Variants in HDAC9 observed in about 807,000 individuals in gnomAD.
HDAC9 encodes the protein MEF-2 interacting transcription repressor (MITR) protein.
Under a neutral mutation model 139.4 loss-of-function variants are expected in HDAC9, and 41 were observed. The ratio of observed to expected loss-of-function variants is 0.29; its 90% CI spans 0.23 to 0.38. The LOEUF is 0.38. Ranked by LOEUF, HDAC9 falls within the 10% of genes least tolerant of loss-of-function variation. The pLI is 1.00. For missense variants in HDAC9, 1,147 were observed against 1,297.0 expected, an observed-to-expected ratio of 0.88 and a Z score of 1.78; for synonymous variants, 517 against 476.2, an observed-to-expected ratio of 1.09 and a Z score of -1.12.
At chr7:18,332,270 C>T (rs1293064923) in intron 1 of HDAC9, among the ~76,000 whole-genome samples, 1 of 151,404 alleles carries the variant, frequency 6.6e-6, no homozygotes, top group East Asian at 1.9e-4. Flanking sequence ...TCTGTTTAGC[C>T]AGAGTTCCCC....
intron 22 of HDAC9, chr7:18,907,062 C>T (rs1246370436): frequency 6.6e-6 from 1 of 152,176 alleles, no homozygotes; most frequent in Non-Finnish European, 1.5e-5. Context: ...AAACCAGCTG[C>T]AAGTGCATCC....
rs141268785 is a variant in HDAC9 at position 18,392,174 on chromosome 7, A to G, written c.-42+101659A>G. Among the ~76,000 whole-genome samples, 403 of 152,080 alleles carry G rather than the reference A, an allele frequency of 2.6e-3. No individual in the cohort carries two copies. In the Middle Eastern group the frequency reaches 0.027, roughly 10 times the overall value. On this transcript the variant is annotated intron_variant, in intron 1 of 3. Transcript: ENST00000413509. ...GTTACTCAGCCTATCTTGACCTTAG[A>G]TTCCCTGGCAATCTGGGATTATTAT...
chr7:18,101,463 GA>G (rs1782854415), intron 1 of HDAC9, among the ~76,000 whole-genome samples: 1 of 152,164 alleles, frequency 6.6e-6, no homozygotes, highest in African/African-American at 2.4e-5. Flanking sequence ...TAGGCAGGGG[GA>G]TAATTCCAAT....
chr7:18,606,442 C>G (rs1289867326), intron 6 of HDAC9, among the ~76,000 whole-genome samples: 1 of 152,160 alleles, frequency 6.6e-6, no homozygotes, highest in Non-Finnish European at 1.5e-5. Flanking sequence ...TAAAGATTAA[C>G]ATCAGTGTCC....
chr7:18,143,805 A>T lies in HDAC9; in HGVS notation c.-96-18424A>T, dbSNP rs564632202. On this transcript the variant is annotated intron_variant, in intron 1 of 12. Coordinates refer to the HDAC9 transcript ENST00000417496. ...GAGACTCCATCTCAAAAAAAAAAAA[A>T]AGAGTGTCTCTTTTTATTTTACCTA... Among the ~76,000 whole-genome samples, 8 of 151,832 alleles carry T rather than the reference A, an allele frequency of 5.3e-5. No homozygotes were observed. In the South Asian group the frequency reaches 1.7e-3, roughly 32 times the overall value.
At chr7:18,240,446 T>C (rs1257691094) in intron 2 of HDAC9, among the ~76,000 whole-genome samples, 1 of 152,224 alleles carries the variant, frequency 6.6e-6, no homozygotes, top group Non-Finnish European at 1.5e-5. Context: ...CCAGTGTTTC[T>C]AGTTTATATC....
In HDAC9 at chr7:18,653,094, C is replaced by T. The variant is rs923030946; in HGVS notation, c.1467+4411C>T. On this transcript the variant is annotated intron_variant, in intron 11 of 25. Coordinates refer to ENST00000686413, the MANE Select transcript of HDAC9 (RefSeq NM_178425.4). ...TCTACTAAAAATACAGAAAATTAGC[C>T]GGGCGTGGTGGTGCATGCCTGTAAT... is the stretch of plus-strand genomic sequence containing the variant. Among the ~76,000 whole-genome samples, 186 of 151,872 alleles carry T rather than the reference C, an allele frequency of 1.2e-3. 2 individuals are homozygous for T. Among genetic ancestry groups the T allele is most frequent in the Middle Eastern group, 0.01 (3 of 294 alleles).
intron 6 of HDAC9, among the ~76,000 whole-genome samples, chr7:18,622,299 A>T (rs1199926778): frequency 6.6e-6 from 1 of 152,146 alleles, no homozygotes; most frequent in Non-Finnish European, 1.5e-5. Context: ...TATCCCAAAT[A>T]TTCATTATTT....
chr7:18,232,647 T>A (rs566904137), intron 2 of HDAC9, among the ~76,000 whole-genome samples: 9 of 152,364 alleles, frequency 5.9e-5, no homozygotes, highest in Non-Finnish European at 1.2e-4. Flanking sequence ...ATTTGCAGAA[T>A]GCATTTCTCA....
At chr7:18,328,081 T>A (rs1800608574) in intron 1 of HDAC9, among the ~76,000 whole-genome samples, 1 of 151,972 alleles carries the variant, frequency 6.6e-6, no homozygotes, top group Admixed American at 6.6e-5. Context: ...TGCTTTTAGC[T>A]TTTTTTGGAG....
At chr7:18,769,696 C>G (rs1042542267) in intron 16 of HDAC9, among the ~76,000 whole-genome samples, 4 of 152,068 alleles carry the variant, frequency 2.6e-5, no homozygotes, top group African/African-American at 7.2e-5. Flanking sequence ...GGTTTTGGTA[C>G]AAGCCCTAGG....
chr7:18,333,579 T>A (rs1223881777), intron 1 of HDAC9, among the ~76,000 whole-genome samples: 2 of 151,476 alleles, frequency 1.3e-5, no homozygotes, highest in Non-Finnish European at 1.5e-5. Context: ...TAGAAAATAG[T>A]AACACCATTA....
chr7:18,150,050 T>C (rs1483682478), intron 1 of HDAC9, among the ~76,000 whole-genome samples: 4 of 150,924 alleles, frequency 2.7e-5, no homozygotes, highest in Non-Finnish European at 5.9e-5. Context: ...TTTTTCCTAG[T>C]GTGATTTGTC....
At chr7:18,145,410 T>C (rs997249889) in intron 1 of HDAC9, among the ~76,000 whole-genome samples, 4 of 152,226 alleles carry the variant, frequency 2.6e-5, no homozygotes, top group African/African-American at 4.8e-5. Context: ...GGCTGTGCTG[T>C]AGTACCTACC....
intron 21 of HDAC9, among the ~76,000 whole-genome samples, chr7:18,854,866 A>G (rs538042298): frequency 6.6e-6 from 1 of 152,286 alleles, no homozygotes; most frequent in South Asian, 2.1e-4. Context: ...TATAGCATTA[A>G]TGGTCTATAT....
intron 6 of HDAC9, among the ~76,000 whole-genome samples, chr7:18,609,971 T>C (rs1836655196): frequency 6.6e-6 from 1 of 152,168 alleles, no homozygotes; most frequent in African/African-American, 2.4e-5. Flanking sequence ...TCATTTTTTA[T>C]GGCTGCTGGA....
chr7:18,883,777 A>T (rs747421754), intron 22 of HDAC9, among the ~76,000 whole-genome samples: 1 of 152,140 alleles, frequency 6.6e-6, no homozygotes, highest in South Asian at 2.1e-4. Context: ...ATGATTTTAT[A>T]TATTGAAAAT....
At chr7:18,706,257 A>G (rs1431421723) in intron 12 of HDAC9, among the ~76,000 whole-genome samples, 1 of 142,062 alleles carries the variant, frequency 7.0e-6, no homozygotes. Flanking sequence ...TTAAGTTTCC[A>G]TATGGATGCT....
intron 1 of HDAC9, among the ~76,000 whole-genome samples, chr7:18,292,355 G>C (rs1406711840): frequency 4.6e-5 from 7 of 152,074 alleles, no homozygotes; most frequent in Admixed American, 2.0e-4. Context: ...CAAGAAATAG[G>C]TTTGTTCAAA....
Sources: allele counts gnomAD v4.1 joint callset (sites outside exome capture counted in the v4.1 genomes callset), GRCh38; gene constraint gnomAD v4.1.1; transcripts MANE v1.5; gene names NCBI Gene and HGNC (gene_info 2026-07-23, HGNC 2026-07-21).